C2orf66: variants seen among roughly 807,000 people sequenced by gnomAD.
C2orf66 encodes the protein uncharacterized protein C2orf66.
C2orf66 carries 6 observed loss-of-function variants against 7.0 expected under a neutral mutation model. The observed-to-expected ratio is 0.86, with a 90% CI of 0.47 to 1.69. The LOEUF (loss-of-function observed/expected upper bound fraction) is 1.69. Ranked by LOEUF, C2orf66 falls within the 40% of genes most tolerant of loss-of-function variation. The pLI is 0.01. For synonymous variants in C2orf66, 38 were observed against 43.8 expected (o/e 0.87, Z 0.52); for missense variants, 107 against 112.0 (o/e 0.96, Z 0.20).
At chr2:196,824,662 C>T in the C2orf66 span, among the ~76,000 whole-genome samples, 4 of 152,130 alleles carry the variant, frequency 2.6e-5, no homozygotes, top group Non-Finnish European at 5.9e-5. Context: ...CCTTTGCTGT[C>T]GTGAAGTAAT....
At chr2:196,806,448 C>T (rs1265711972) in intron 2 of C2orf66, among the ~76,000 whole-genome samples, 1 of 151,988 alleles carries the variant, frequency 6.6e-6, no homozygotes, top group East Asian at 1.9e-4. Context: ...CCTCCCGCCT[C>T]AGCCTCCCAA....
the C2orf66 span, among the ~76,000 whole-genome samples, chr2:196,828,087 A>G: frequency 1.3e-5 from 2 of 152,128 alleles, no homozygotes; most frequent in African/African-American, 4.8e-5. Context: ...TCTATTAAGC[A>G]CAGTAAAATG....
the C2orf66 span, among the ~76,000 whole-genome samples, chr2:196,824,069 ATAAT>A: frequency 1.4e-3 from 209 of 152,250 alleles, no homozygotes; most frequent in African/African-American, 4.8e-3. Context: ...GTTAAGAGTA[ATAAT>A]TAGTATGGTC....
chr2:196,819,916 T>C, the C2orf66 span, among the ~76,000 whole-genome samples: 1 of 152,204 alleles, frequency 6.6e-6, no homozygotes, highest in East Asian at 1.9e-4. Flanking sequence ...GAATAGTCAA[T>C]AGACCAGTAA....
At chr2:196,819,788 A>G in the C2orf66 span, among the ~76,000 whole-genome samples, 2 of 152,356 alleles carry the variant, frequency 1.3e-5, no homozygotes, top group African/African-American at 2.4e-5. Flanking sequence ...GATTCTTACG[A>G]TATTTCAGCC....
At chr2:196,816,691 T>G in the C2orf66 span, among the ~76,000 whole-genome samples, 1 of 152,078 alleles carries the variant, frequency 6.6e-6, no homozygotes, top group Non-Finnish European at 1.5e-5. Context: ...CCCCCGAATC[T>G]AAAATAAAAG....
the C2orf66 span, among the ~76,000 whole-genome samples, chr2:196,815,002 C>T: frequency 6.6e-6 from 1 of 152,054 alleles, no homozygotes; most frequent in Non-Finnish European, 1.5e-5. Context: ...CCGTACTCTG[C>T]CACCCAGGCT....
At chr2:196,809,489 T>A, upstream of C2orf66, 1 of 1,104,376 alleles carries the variant, frequency 9.1e-7, no homozygotes, top group Non-Finnish European at 1.3e-6. Flanking sequence ...TTTACAGCCA[T>A]CTTTTTTCCA....
chr2:196,812,058 G>A (rs963908092), upstream of C2orf66, among the ~76,000 whole-genome samples: 2 of 152,112 alleles, frequency 1.3e-5, no homozygotes, highest in African/African-American at 4.8e-5. Flanking sequence ...TCTTGGAAAC[G>A]CAGCTATGAA....
At chr2:196,829,314 C>T in the C2orf66 span, among the ~76,000 whole-genome samples, 3 of 152,142 alleles carry the variant, frequency 2.0e-5, no homozygotes, top group Non-Finnish European at 4.4e-5. Flanking sequence ...AAATGTACTT[C>T]TTTGGGTATA....
upstream of C2orf66, among the ~76,000 whole-genome samples, chr2:196,811,995 AAGTC>A (rs1699881067): frequency 6.6e-6 from 1 of 152,302 alleles, no homozygotes; most frequent in South Asian, 2.1e-4. Flanking sequence ...TTTTAGTAGA[AAGTC>A]AGATTAGAAG....
the C2orf66 span, among the ~76,000 whole-genome samples, chr2:196,826,854 A>C: frequency 2.0e-5 from 3 of 152,166 alleles, no homozygotes; most frequent in East Asian, 5.8e-4. Flanking sequence ...AACATGGTGA[A>C]GCCCCATCTC....
In C2orf66 at chr2:196,805,321, G is replaced by T. The variant is rs1451137434; in HGVS notation, c.*107C>A. On this transcript the variant is annotated 3_prime_UTR_variant, in exon 3 of 3. Coordinates refer to ENST00000342506, the MANE Select transcript of C2orf66 (RefSeq NM_213608.3). ...CAAACTGAAAAATAAAAGTGAGGGG[G>T]AAAGAAACTCCATGAAAGTTTAGCT... 1 of 152,062 alleles carries T rather than the reference G, an allele frequency of 6.6e-6. No individual in the cohort carries two copies. The highest frequency in any genetic ancestry group is 1.5e-5 in the Non-Finnish European group (1 of 67,992). 9.4% of individuals were successfully genotyped at this position (152,062 alleles called of 1,614,324 possible).
chr2:196,819,959 C>G, the C2orf66 span, among the ~76,000 whole-genome samples: 3 of 152,220 alleles, frequency 2.0e-5, no homozygotes, highest in African/African-American at 7.2e-5. Flanking sequence ...ATCTCTTGCA[C>G]ACAAACCAAT....
In C2orf66 at chr2:196,809,248, C is replaced by A; in HGVS notation, c.89G>T (p.Trp30Leu). ...GTTTCTGGGGTTGTTGAGTGGCTTC[C>A]ATTTGTCCTCATTTCTTACTGTGGC... ...NGATVRNEDK[W>L]KPLNNPRNRD... is the part of the protein sequence containing the mutation. The change falls in exon 1 of 3, where the codon TGG (tryptophan) becomes TTG (leucine). Residue 30 changes from tryptophan (W) to leucine (L), a missense_variant. Trp to Leu is a moderately conservative substitution (Grantham distance 61). Transcript: ENST00000342506. 1 of 1,614,070 alleles carries A rather than the reference C, an allele frequency of 6.2e-7. No homozygotes were observed. Among genetic ancestry groups the A allele is most frequent in the South Asian group, 1.1e-5 (1 of 91,062 alleles).
chr2:196,807,105 T>C (rs1699827477), intron 2 of C2orf66, among the ~76,000 whole-genome samples: 1 of 152,186 alleles, frequency 6.6e-6, no homozygotes, highest in Non-Finnish European at 1.5e-5. Flanking sequence ...CTATATCAGT[T>C]GGTCTGGAAA....
At chr2:196,816,113 TAAAC>T in the C2orf66 span, among the ~76,000 whole-genome samples, 1 of 152,164 alleles carries the variant, frequency 6.6e-6, no homozygotes, top group Non-Finnish European at 1.5e-5. Flanking sequence ...CCTCTTGTGA[TAAAC>T]AGAACAGAAG....
At chr2:196,806,907 T>C (rs946170005) in intron 2 of C2orf66, among the ~76,000 whole-genome samples, 1 of 152,148 alleles carries the variant, frequency 6.6e-6, no homozygotes, top group East Asian at 1.9e-4. Flanking sequence ...TTTTTAATTT[T>C]TTTCTATGAG....
At chr2:196,822,725 CCT>C in the C2orf66 span, among the ~76,000 whole-genome samples, 3 of 152,124 alleles carry the variant, frequency 2.0e-5, no homozygotes, top group Admixed American at 6.5e-5. Context: ...GAAAATACCC[CCT>C]TTCTCCATTA....
Sources: gnomAD v4.1 joint callset for allele counts (sites outside exome capture counted in the v4.1 genomes callset) on GRCh38, gnomAD v4.1.1 for gene constraint, MANE v1.5 for transcripts, NCBI Gene and HGNC (gene_info 2026-07-23, HGNC 2026-07-21) for gene names.